SLC14A1: variants seen among roughly 807,000 people sequenced by gnomAD.
SLC14A1 encodes solute carrier family 14 member 1 (Kidd blood group), also known as urea transporter 1.
A neutral mutation model predicts 39.6 loss-of-function variants in SLC14A1; 36 were observed. The ratio of observed to expected loss-of-function variants is 0.91; its 90% CI spans 0.70 to 1.20. The LOEUF is 1.20. Among genes scored for constraint, SLC14A1 ranks in the 50% most tolerant of loss-of-function variants. The pLI, the probability that SLC14A1 is intolerant of heterozygous loss-of-function variation, is 0.00. For missense variants in SLC14A1, 469 were observed against 478.7 expected (o/e 0.98, Z 0.19); for synonymous variants, 164 against 173.6 (o/e 0.94, Z 0.43).
In SLC14A1 at chr18:45,739,434, G is replaced by T. The variant is rs892583538; in HGVS notation, c.812-94G>T. 3 of 1,605,736 alleles carry T rather than the reference G, an allele frequency of 1.9e-6. No homozygotes were observed. The Admixed American group carries it at 5.0e-5, about 27-fold the overall frequency. On this transcript the variant is annotated intron_variant, in intron 7 of 9. Coordinates refer to ENST00000321925, the MANE Select transcript of SLC14A1 (RefSeq NM_015865.7). ...TTCCTAGGGACCAATGGGAGTTCCC[G>T]GGATGCTTCCTGCTAACTTTCAATC...
Position 45,739,222 on chromosome 18 carries a change from A to G in SLC14A1, c.723A>G (p.Thr241=). ...TCTATGGCTGTGATAATCCATGGAC[A>G]GGGGGCATTTTCCTGGGAGCCATCC... ...GQIYGCDNPW[T]GGIFLGAILL... The change falls in exon 7 of 10, where the codon ACA becomes ACG. Residue 241 remains threonine, a synonymous_variant. Coordinates refer to ENST00000321925, the MANE Select transcript of SLC14A1 (RefSeq NM_015865.7). 6.2e-7 allele frequency: 1 copy of G among 1,614,070 alleles called. No individual in the cohort carries two copies. The highest frequency in any genetic ancestry group is 8.5e-7 in the Non-Finnish European group (1 of 1,179,966).
chr18:45,751,831 T>C lies in SLC14A1; in HGVS notation c.*1880T>C. The C allele has an allele frequency of 8.2e-6, 8 of 976,320 alleles. No individual in the cohort carries two copies. Among genetic ancestry groups the C allele is most frequent in the Non-Finnish European group, 9.7e-6 (8 of 821,754 alleles). 60.5% of individuals were successfully genotyped at this position (976,320 alleles called of 1,614,324 possible). A position where few individuals can be genotyped will look rare whatever the true frequency, so the allele number is the denominator to read the frequency against. On this transcript the variant is annotated 3_prime_UTR_variant, in exon 10 of 10. Transcript: ENST00000321925. ...TAATTAATTTAAAAAGGAAGTCATG[T>C]TCATTTACTTTCCACTTCAGTGTGT...
In SLC14A1 at chr18:45,736,472, G is replaced by A. The variant is rs1193286330; in HGVS notation, c.487G>A (p.Ala163Thr). 6.2e-7 allele frequency: 1 copy of A among 1,614,152 alleles called. No homozygotes were observed. The highest frequency in any genetic ancestry group is 1.7e-5 in the Admixed American group (1 of 60,026). ...MSMTCPIFSS[A>T]LNSMLSKWDL... is the part of the protein sequence containing the mutation. The stretch of plus-strand genomic sequence containing the variant: ...TTTTTTTAGCCCAATTTTCTCAAGT[G>A]CATTGAATTCCATGCTCAGCAAATG... Residue 163 changes from alanine to threonine, a missense_variant, in exon 6 of 10, where the codon GCA (alanine) becomes ACA (threonine). Physicochemically the swap from Ala to Thr is moderately conservative, Grantham distance 58. Transcript: ENST00000321925.
Position 45,749,972 on chromosome 18 carries a change from C to A in SLC14A1, c.*21C>A. On this transcript the variant is annotated 3_prime_UTR_variant, in exon 10 of 10. Coordinates refer to ENST00000321925, the MANE Select transcript of SLC14A1 (RefSeq NM_015865.7). ...TGTGAGAACAAGCCCCATTTGCAGC[C>A]ATGGTCACGAGTCATTTCTGCCTGA... The A allele has an allele frequency of 6.2e-7, 1 of 1,614,150 alleles. No homozygotes were observed. The highest frequency in any genetic ancestry group is 1.7e-5 in the Admixed American group (1 of 60,030).
chr18:45,731,478 C>T (rs1482033459), intron 4 of SLC14A1: 2 of 478,290 alleles, frequency 4.2e-6, no homozygotes, highest in African/African-American at 3.9e-5. Flanking sequence ...TGGAGAGGTT[C>T]TGAAGGGATC....
chr18:45,750,230 C>G lies in SLC14A1; in HGVS notation c.*279C>G. The G allele has an allele frequency of 7.4e-7, 1 of 1,352,912 alleles. No individual in the cohort carries two copies. Among genetic ancestry groups the G allele is most frequent in the East Asian group, 3.0e-5 (1 of 33,072 alleles). 83.8% of individuals were successfully genotyped at this position (1,352,912 alleles called of 1,614,324 possible). On this transcript the variant is annotated 3_prime_UTR_variant, in exon 10 of 10. Coordinates refer to ENST00000321925, the MANE Select transcript of SLC14A1 (RefSeq NM_015865.7). The stretch of plus-strand genomic sequence containing the variant: ...GGAATGTATATAAAGTCAAAGTGCT[C>G]CAACAGAAGGAGGAAGTGAAAACAA...
At chr18:45,734,871 C>T (rs77741930) in intron 5 of SLC14A1, among the ~76,000 whole-genome samples, 1 of 152,224 alleles carries the variant, frequency 6.6e-6, no homozygotes, top group African/African-American at 2.4e-5. Context: ...AATTGGATTC[C>T]AGTAGATTCT....
chr18:45,727,066 G>A, intron 2 of SLC14A1: 1 of 538,370 alleles, frequency 1.9e-6, no homozygotes, highest in Non-Finnish European at 3.3e-6. Flanking sequence ...CTGTCTTTCT[G>A]CCCACTGAGA....
Position 45,751,148 on chromosome 18 carries a change from TG to T in SLC14A1, c.*1200del. ...TGAACCCAGGAGTTCAAGACCAGCC[TG>T]GGCAGCATGGTGAAACCCTGTATCT... is the stretch of plus-strand genomic sequence containing the variant. On this transcript the variant is annotated 3_prime_UTR_variant, in exon 10 of 10. Transcript: ENST00000321925. The T allele has an allele frequency of 1.9e-6, 1 of 530,106 alleles. No homozygotes were observed. Among genetic ancestry groups the T allele is most frequent in the Non-Finnish European group, 2.4e-6 (1 of 414,468 alleles). The allele number at this position is 530,106 out of a possible 1,614,324, so 32.8% of individuals were successfully genotyped here. A position where few individuals can be genotyped will look rare whatever the true frequency, so the allele number is the denominator to read the frequency against.
chr18:45,733,243 C>T (rs892480804), intron 4 of SLC14A1, among the ~76,000 whole-genome samples: 1 of 152,122 alleles, frequency 6.6e-6, no homozygotes, highest in Non-Finnish European at 1.5e-5. Context: ...CCCCCTCAAT[C>T]TAAAGAAGGA....
In SLC14A1 at chr18:45,750,760, A is replaced by T. The variant is rs754373498; in HGVS notation, c.*809A>T. 2 of 985,102 alleles carry T rather than the reference A, an allele frequency of 2.0e-6. No individual in the cohort carries two copies. The highest frequency in any genetic ancestry group is 2.4e-6 in the Non-Finnish European group (2 of 829,646). The allele number at this position is 985,102 out of a possible 1,614,324, so 61.0% of individuals were successfully genotyped here. On this transcript the variant is annotated 3_prime_UTR_variant, in exon 10 of 10. Coordinates refer to ENST00000321925, the MANE Select transcript of SLC14A1 (RefSeq NM_015865.7). ...TGTTCTTACATATTAAAGAAAAGTTACTTACTGTATTTATGAAATACTCAG... is the reference window on the plus strand; with the variant it reads ...TGTTCTTACATATTAAAGAAAAGTTTCTTACTGTATTTATGAAATACTCAG...
At chr18:45,738,325 C>CA (rs2047257667) in intron 6 of SLC14A1, among the ~76,000 whole-genome samples, 1 of 152,162 alleles carries the variant, frequency 6.6e-6, no homozygotes, top group Admixed American at 6.5e-5. Flanking sequence ...TGGCCTTGCT[C>CA]AAAAGGGACA....
At chr18:45,738,991 G>A (rs908279427) in intron 6 of SLC14A1, among the ~76,000 whole-genome samples, 172 bp from the exon 7 acceptor site, 2 of 152,160 alleles carry the variant, frequency 1.3e-5, no homozygotes, top group African/African-American at 4.8e-5. Context: ...GCTGAAGGAT[G>A]ACTGGGATTT....
chr18:45,731,033 A>G lies in SLC14A1; in HGVS notation c.170A>G (p.Gln57Arg), dbSNP rs1234567694. The G allele has an allele frequency of 1.9e-6, 3 of 1,614,022 alleles. No individual in the cohort carries two copies. Among genetic ancestry groups the G allele is most frequent in the Non-Finnish European group, 2.5e-6 (3 of 1,180,008 alleles). The change falls in exon 4 of 10, where the codon CAG becomes CGG. Residue 57 changes from glutamine (Q) to arginine (R), a missense_variant. By Grantham distance (43) the Gln-to-Arg change is conservative (BLOSUM62 1). Coordinates refer to ENST00000321925, the MANE Select transcript of SLC14A1 (RefSeq NM_015865.7). ...CTTCCAGACAAACCCGTGGTGCTCCAGTTCATTGACTGGATTCTCCGGGGC... is the reference window on the plus strand; with the variant it reads ...CTTCCAGACAAACCCGTGGTGCTCCGGTTCATTGACTGGATTCTCCGGGGC... ...NQLKDKPVVL[Q>R]FIDWILRGIS... is the part of the protein sequence containing the mutation.
chr18:45,735,048 C>T (rs549552933), intron 5 of SLC14A1, among the ~76,000 whole-genome samples: 1 of 152,196 alleles, frequency 6.6e-6, no homozygotes, highest in Admixed American at 6.5e-5. Context: ...AATGAAGATA[C>T]GAGTGCAGGT....
At chr18:45,743,812 A>G (rs1036433625) in intron 8 of SLC14A1, among the ~76,000 whole-genome samples, 1 of 152,198 alleles carries the variant, frequency 6.6e-6, no homozygotes, top group African/African-American at 2.4e-5. Flanking sequence ...CTTCTCCCCA[A>G]ATATGACTGA....
At chr18:45,745,071 C>A (rs952270245) in intron 8 of SLC14A1, among the ~76,000 whole-genome samples, 3 of 152,138 alleles carry the variant, frequency 2.0e-5, no homozygotes, top group Non-Finnish European at 4.4e-5. Flanking sequence ...GGTGAAACCC[C>A]ATCTCTACTA....
chr18:45,743,890 G>A (rs2047465306), intron 8 of SLC14A1, among the ~76,000 whole-genome samples: 1 of 152,038 alleles, frequency 6.6e-6, no homozygotes, highest in African/African-American at 2.4e-5. Flanking sequence ...CATTGATACT[G>A]TATAGAATTT....
At position 45,727,263 on chromosome 18, in the gene SLC14A1, AAAGT is replaced by A. The variant is rs565094121; in HGVS notation, c.-22+2254_-22+2257del. On this transcript the variant is annotated intron_variant, in intron 2 of 9. Coordinates refer to ENST00000321925, the MANE Select transcript of SLC14A1 (RefSeq NM_015865.7). ...TTTGCCCTTTGTCATGTATTGAGAA[AAAGT>A]AAGGATGAATGGACGGTCTTTGATT... The A allele has an allele frequency of 8.6e-4, 1,333 of 1,551,624 alleles. 2 individuals carry two copies. Among genetic ancestry groups the A allele is most frequent in the Non-Finnish European group, 1.1e-3 (1,247 of 1,146,940 alleles).
Sources: gnomAD v4.1 joint callset for allele counts (sites outside exome capture counted in the v4.1 genomes callset) on GRCh38, gnomAD v4.1.1 for gene constraint, MANE v1.5 for transcripts, NCBI Gene and HGNC (gene_info 2026-07-23, HGNC 2026-07-21) for gene names.